The following EFCAB6 variants were observed in gnomAD, a reference collection of about 807,000 sequenced individuals.
The protein encoded by EFCAB6 is EF-hand calcium-binding domain-containing protein 6.
A neutral mutation model predicts 169.8 loss-of-function variants in EFCAB6; 156 were observed. The observed-to-expected ratio is 0.92, with a 90% CI of 0.81 to 1.05. The LOEUF is 1.05. Among genes scored for constraint, EFCAB6 ranks in the 50% least tolerant of loss-of-function variants. The pLI is 0.00. For synonymous variants in EFCAB6, 698 were observed against 676.4 expected, an observed-to-expected ratio of 1.03 and a Z score of -0.50; for missense variants, 1,800 against 1,829.1, an observed-to-expected ratio of 0.98 and a Z score of 0.29.
intron 2 of EFCAB6, among the ~76,000 whole-genome samples, chr22:43,787,265 T>A (rs929869931): frequency 1.3e-5 from 2 of 151,778 alleles, no homozygotes; most frequent in African/African-American, 4.8e-5. Context: ...GAGACTAAGA[T>A]GAAAAACTAC....
rs1046769630 is a variant in EFCAB6 at position 43,744,070 on chromosome 22, C to T, written c.508-8077G>A. ...GGTTATGGATGCATGGATGGATGAA[C>T]GGATGAATGGATGAATGATGAATGA... On this transcript the variant is annotated intron_variant, in intron 6 of 31. Coordinates refer to ENST00000262726, the MANE Select transcript of EFCAB6 (RefSeq NM_022785.4). This position sits in a 1 kb window ranked among gnomAD's most constrained non-coding sequence, Gnocchi z 4.3. Among the ~76,000 whole-genome samples, 5 of 147,364 alleles carry T rather than the reference C, an allele frequency of 3.4e-5. No homozygotes were observed. Among genetic ancestry groups the T allele is most frequent in the Admixed American group, 1.4e-4 (2 of 14,784 alleles).
chr22:43,565,647 A>C (rs1461816611), intron 26 of EFCAB6, among the ~76,000 whole-genome samples: 1 of 152,236 alleles, frequency 6.6e-6, no homozygotes, highest in African/African-American at 2.4e-5. Context: ...ATATTAATGT[A>C]ATTATGAAGT....
chr22:43,721,544 GACAC>G (rs983497668), intron 8 of EFCAB6, among the ~76,000 whole-genome samples: 30 of 152,108 alleles, frequency 2.0e-4, no homozygotes, highest in African/African-American at 7.2e-4. Flanking sequence ...TACAAAAACA[GACAC>G]ATAGGCAAAT....
At chr22:43,791,040 GTAGATATAC>G (rs2062267524) in intron 2 of EFCAB6, among the ~76,000 whole-genome samples, 1 of 152,184 alleles carries the variant, frequency 6.6e-6, no homozygotes, top group African/African-American at 2.4e-5. Context: ...GGGTATCCAA[GTAGATATAC>G]TGAATAGGTC....
chr22:43,700,017 CTCA>C (rs1489277073), intron 10 of EFCAB6, among the ~76,000 whole-genome samples: 1 of 152,110 alleles, frequency 6.6e-6, no homozygotes, highest in Non-Finnish European at 1.5e-5. Context: ...TTCCTTAAAC[CTCA>C]TCATATTTAA....
At chr22:43,610,146 CAG>C (rs983873672) in intron 21 of EFCAB6, among the ~76,000 whole-genome samples, 3 of 152,178 alleles carry the variant, frequency 2.0e-5, no homozygotes, top group Admixed American at 2.0e-4. Context: ...ACAAGATCTA[CAG>C]AGAGATGTTA....
intron 22 of EFCAB6, among the ~76,000 whole-genome samples, chr22:43,607,229 A>G (rs2052988622): frequency 6.6e-6 from 1 of 152,094 alleles, no homozygotes; most frequent in African/African-American, 2.4e-5. Context: ...GGCCTGCTGA[A>G]CAAGAATGTC....
chr22:43,731,980 T>C (rs1170324333), intron 7 of EFCAB6, among the ~76,000 whole-genome samples, 169 bp from the exon 8 acceptor site: 1 of 152,182 alleles, frequency 6.6e-6, no homozygotes, highest in Non-Finnish European at 1.5e-5. Flanking sequence ...AGATTTTTTT[T>C]TTAATGCAGC....
intron 17 of EFCAB6, among the ~76,000 whole-genome samples, chr22:43,636,525 A>T (rs1419279657): frequency 6.6e-6 from 1 of 152,064 alleles, no homozygotes; most frequent in East Asian, 1.9e-4. Flanking sequence ...ATGCTGTGCA[A>T]ACTGAGTCTT....
At chr22:43,548,119 G>T (rs541725137) in intron 27 of EFCAB6, among the ~76,000 whole-genome samples, 25 of 152,108 alleles carry the variant, frequency 1.6e-4, no homozygotes, top group Middle Eastern at 3.4e-3. Flanking sequence ...TAAATAAAAC[G>T]ATATAAAAGA....
intron 17 of EFCAB6, among the ~76,000 whole-genome samples, chr22:43,637,394 G>C (rs528594932): frequency 6.6e-6 from 1 of 152,372 alleles, no homozygotes; most frequent in South Asian, 2.1e-4. Context: ...GGACCAGGGA[G>C]CTGGCCCCTG....
chr22:43,564,524 CTGCAAGGAACT>C (rs2049298036), intron 26 of EFCAB6, among the ~76,000 whole-genome samples: 1 of 151,998 alleles, frequency 6.6e-6, no homozygotes, highest in African/African-American at 2.4e-5. Context: ...AACTTTTGTC[CTGCAAGGAACT>C]CACCTGTGTG....
rs533867313 is a variant in EFCAB6 at position 43,666,968 on chromosome 22, C to A, written c.1983+136G>T. The stretch of plus-strand genomic sequence containing the variant: ...AATTTTTTGGCCAAAAAAAAAAATC[C>A]TTTTAAATTGTTGAAAGATGCCTAG... On this transcript the variant is annotated intron_variant, in intron 17 of 31. Transcript: ENST00000262726. 7.1e-5 allele frequency: 83 copies of A among 1,167,944 alleles called. No homozygotes were observed. The African/African-American group carries it at 9.8e-4, about 14-fold the overall frequency. The allele number at this position is 1,167,944 out of a possible 1,614,324, so 72.3% of individuals were successfully genotyped here. A position where few individuals can be genotyped will look rare whatever the true frequency, so the allele number is the denominator to read the frequency against.
chr22:43,690,813 C>T (rs1051570256), intron 10 of EFCAB6, among the ~76,000 whole-genome samples: 1 of 151,788 alleles, frequency 6.6e-6, no homozygotes, highest in African/African-American at 2.4e-5. Context: ...ACCTACTTCC[C>T]ATAGTTTCCT....
intron 17 of EFCAB6, among the ~76,000 whole-genome samples, chr22:43,660,496 C>G: frequency 6.6e-6 from 1 of 151,568 alleles, no homozygotes; most frequent in East Asian, 1.9e-4. Flanking sequence ...GCACTCAGCC[C>G]CCAATTTTTG....
intron 31 of EFCAB6, among the ~76,000 whole-genome samples, chr22:43,529,182 G>T (rs1208402387): frequency 6.6e-6 from 1 of 152,220 alleles, no homozygotes; most frequent in Non-Finnish European, 1.5e-5. Flanking sequence ...TGTGCATCTG[G>T]GTGTGAAACT....
chr22:43,789,884 A>ACAC (rs2062219547), intron 2 of EFCAB6, among the ~76,000 whole-genome samples: 1 of 107,870 alleles, frequency 9.3e-6, no homozygotes, highest in Non-Finnish European at 2.1e-5. Flanking sequence ...CACACACACA[A>ACAC]AAGTCTTCCT....
intron 26 of EFCAB6, among the ~76,000 whole-genome samples, chr22:43,561,057 T>C (rs1602264226): frequency 6.6e-6 from 1 of 152,110 alleles, no homozygotes; most frequent in Non-Finnish European, 1.5e-5. Context: ...GTGTTCACTA[T>C]AGAAAACTTA....
chr22:43,564,678 G>C (rs2049309893), intron 26 of EFCAB6, among the ~76,000 whole-genome samples: 1 of 152,118 alleles, frequency 6.6e-6, no homozygotes, highest in African/African-American at 2.4e-5. Context: ...AGGGTCAAGA[G>C]AACCTGAAAT....
Sources: gnomAD v4.1 joint callset for allele counts (sites outside exome capture counted in the v4.1 genomes callset) on GRCh38, gnomAD v4.1.1 for gene constraint, Gnocchi (gnomAD v3.1) non-coding constraint, MANE v1.5 for transcripts, NCBI Gene and HGNC (gene_info 2026-07-23, HGNC 2026-07-21) for gene names.